Variants in LZTFL1 observed in about 807,000 individuals in gnomAD.
The protein encoded by LZTFL1 is leucine zipper transcription factor-like protein 1.
Under a neutral mutation model 45.9 loss-of-function variants are expected in LZTFL1, and 25 were observed. The ratio of observed to expected loss-of-function variants is 0.54; its 90% CI spans 0.40 to 0.76. LZTFL1 has a LOEUF of 0.76. LZTFL1 is among the 30% of genes least tolerant of loss of function. The pLI is 0.00. For synonymous variants in LZTFL1, 93 were observed against 117.4 expected (o/e 0.79, Z 1.35); for missense variants, 277 against 331.1 (o/e 0.84, Z 1.27).
chr3:45,874,023 C>T (rs1701710606), intron 2 of LZTFL1, among the ~76,000 whole-genome samples: 1 of 152,198 alleles, frequency 6.6e-6, no homozygotes, highest in Non-Finnish European at 1.5e-5. Flanking sequence ...ATGGGGGCCT[C>T]ATCCACTCAC....
At chr3:45,866,043 G>T (rs773286262) in intron 2 of LZTFL1, among the ~76,000 whole-genome samples, 4 of 152,186 alleles carry the variant, frequency 2.6e-5, no homozygotes, top group Non-Finnish European at 5.9e-5. Flanking sequence ...AAGAGTATTT[G>T]CTATGTATTA....
chr3:45,862,836 C>T (rs993461910), intron 2 of LZTFL1, among the ~76,000 whole-genome samples: 1 of 152,186 alleles, frequency 6.6e-6, no homozygotes, highest in African/African-American at 2.4e-5. Context: ...CTGGAATTCT[C>T]CCATATCTTG....
At chr3:45,837,774 C>T (rs1701003119) in intron 2 of LZTFL1, among the ~76,000 whole-genome samples, 153 bp downstream of exon 2, 1 of 152,180 alleles carries the variant, frequency 6.6e-6, no homozygotes, top group Non-Finnish European at 1.5e-5. Context: ...CTTTTGTTTC[C>T]TGTATCCATG....
intron 2 of LZTFL1, among the ~76,000 whole-genome samples, chr3:45,874,980 C>T (rs1701727397): frequency 6.6e-6 from 1 of 152,214 alleles, no homozygotes; most frequent in African/African-American, 2.4e-5. Context: ...GCAGGCCCAA[C>T]TGAGGTCAGC....
chr3:45,914,056 G>A (rs2125776401), intron 1 of LZTFL1, among the ~76,000 whole-genome samples: 1 of 152,256 alleles, frequency 6.6e-6, no homozygotes, highest in East Asian at 1.9e-4. Flanking sequence ...TAGTGCTTGG[G>A]CTAATGGATT....
intron 2 of LZTFL1, among the ~76,000 whole-genome samples, chr3:45,906,771 C>T (rs1702687601): frequency 6.6e-6 from 1 of 152,198 alleles, no homozygotes; most frequent in Admixed American, 6.5e-5. Context: ...CAGATTTCAC[C>T]GGAGGTGTGT....
At position 45,901,444 on chromosome 3, in the gene LZTFL1, T is replaced by A. The variant is rs1702554420; in HGVS notation, c.-215+11676A>T. 1.9e-6 allele frequency: 3 copies of A among 1,614,140 alleles called. No individual in the cohort carries two copies. The highest frequency in any genetic ancestry group is 2.5e-6 in the Non-Finnish European group (3 of 1,180,006). Reference sequence around the variant, plus strand: ...AAGTCAGCTGTCTTGACCCTGAAGGTCATTCTGGGGTTCTTCCTTCCCTTC... The same window carrying A: ...AAGTCAGCTGTCTTGACCCTGAAGGACATTCTGGGGTTCTTCCTTCCCTTC... On this transcript the variant is annotated intron_variant, in intron 2 of 4. Transcript: ENST00000472635. The surrounding 1 kb of genome is among the most constrained non-coding windows in gnomAD (Gnocchi z 4.3).
chr3:45,900,738 C>A lies in LZTFL1; in HGVS notation c.-215+12382G>T. 1 of 1,505,374 alleles carries A rather than the reference C, an allele frequency of 6.6e-7. No individual in the cohort carries two copies. 93.3% of individuals were successfully genotyped at this position (1,505,374 alleles called of 1,614,324 possible). On this transcript the variant is annotated intron_variant, in intron 2 of 4. Transcript: ENST00000472635. This position sits in a 1 kb window ranked among gnomAD's most constrained non-coding sequence, Gnocchi z 4.7. ...TTGGGGTTGGAAGGGTCAAGAGGTC[C>A]ATGCCTCTGCCATCAGACAGGACCT...
At position 45,828,628 on chromosome 3, in the gene LZTFL1, A is replaced by C; in HGVS notation, c.601-13T>G. On this transcript the variant is annotated splice_polypyrimidine_tract_variant and intron_variant, in intron 7 of 9. Coordinates refer to ENST00000296135, the MANE Select transcript of LZTFL1 (RefSeq NM_020347.4). ...CCTTTATAAAATCCTATGAAAAATA[A>C]ATGCATGCATGTAATTTCATGTTGA... is the stretch of plus-strand genomic sequence containing the variant. 6.3e-7 allele frequency: 1 copy of C among 1,585,680 alleles called. No homozygotes were observed. The highest frequency in any genetic ancestry group is 8.6e-7 in the Non-Finnish European group (1 of 1,160,514).
chr3:45,844,421 A>C (rs1298414504), upstream of LZTFL1, among the ~76,000 whole-genome samples: 1 of 152,170 alleles, frequency 6.6e-6, no homozygotes, highest in Non-Finnish European at 1.5e-5. Flanking sequence ...GCTTTACTTA[A>C]GTAGAAAGAG....
At chr3:45,882,015 ATG>A (rs1245866310) in intron 2 of LZTFL1, among the ~76,000 whole-genome samples, 1 of 152,262 alleles carries the variant, frequency 6.6e-6, no homozygotes, top group African/African-American at 2.4e-5. Flanking sequence ...CCACAGTGTC[ATG>A]TTCACTAGCT....
intron 2 of LZTFL1, among the ~76,000 whole-genome samples, chr3:45,894,319 C>T (rs536537141): frequency 6.6e-5 from 10 of 152,258 alleles, no homozygotes; most frequent in South Asian, 6.2e-4. Flanking sequence ...CTGGGGGCAC[C>T]GGGTCTTTTA....
Position 45,824,441 on chromosome 3 carries a change from G to A in LZTFL1, c.*1873C>T, listed in dbSNP as rs781618881. ...TGTTTACATGTGAAAGAATCATCAC[G>A]TTGATTTACGTCAAAGAACATCATA... On this transcript the variant is annotated 3_prime_UTR_variant, in exon 10 of 10. Coordinates refer to ENST00000296135, the MANE Select transcript of LZTFL1 (RefSeq NM_020347.4). The A allele has an allele frequency of 2.4e-5, 4 of 167,908 alleles. No individual in the cohort carries two copies. The highest frequency in any genetic ancestry group is 5.1e-5 in the Non-Finnish European group (4 of 78,856). The allele number at this position is 167,908 out of a possible 1,614,324, so 10.4% of individuals were successfully genotyped here. A position where few individuals can be genotyped will look rare whatever the true frequency, so the allele number is the denominator to read the frequency against.
intron 2 of LZTFL1, among the ~76,000 whole-genome samples, chr3:45,897,004 T>C (rs534247987): frequency 6.6e-6 from 1 of 152,302 alleles, no homozygotes; most frequent in South Asian, 2.1e-4. Flanking sequence ...TGTTCACAAC[T>C]GGGACGCCTG....
chr3:45,908,330 C>T (rs1403754995), intron 2 of LZTFL1, among the ~76,000 whole-genome samples: 1 of 152,190 alleles, frequency 6.6e-6, no homozygotes, highest in Non-Finnish European at 1.5e-5. Context: ...CAAGTAGGCC[C>T]AGCATTTCAA....
intron 2 of LZTFL1, among the ~76,000 whole-genome samples, chr3:45,865,143 G>A (rs917451327): frequency 5.3e-5 from 8 of 152,188 alleles, no homozygotes; most frequent in Non-Finnish European, 8.8e-5. Context: ...CAGATCCACC[G>A]AAAGAAATGC....
At chr3:45,885,475 A>G (rs764391978) in intron 2 of LZTFL1, among the ~76,000 whole-genome samples, 1 of 152,162 alleles carries the variant, frequency 6.6e-6, no homozygotes, top group African/African-American at 2.4e-5. Context: ...ATCTTTGTTA[A>G]TGTATCTGAT....
intron 2 of LZTFL1, among the ~76,000 whole-genome samples, chr3:45,896,993 G>A (rs1309261406): frequency 6.6e-6 from 1 of 152,190 alleles, no homozygotes; most frequent in African/African-American, 2.4e-5. Flanking sequence ...CCTGCTCTGG[G>A]TGTTCACAAC....
chr3:45,829,621 A>G (rs2125678367), intron 7 of LZTFL1, among the ~76,000 whole-genome samples: 1 of 151,080 alleles, frequency 6.6e-6, no homozygotes, highest in Non-Finnish European at 1.5e-5. Context: ...AAAAAAAAAA[A>G]AAAAAAAAAA....
Sources: gnomAD v4.1 joint callset for allele counts (sites outside exome capture counted in the v4.1 genomes callset) on GRCh38, gnomAD v4.1.1 for gene constraint, Gnocchi (gnomAD v3.1) non-coding constraint, MANE v1.5 for transcripts, NCBI Gene and HGNC (gene_info 2026-07-23, HGNC 2026-07-21) for gene names.